Variants in EDARADD observed in about 807,000 individuals in gnomAD.
EDARADD encodes the protein EDAR associated via death domain, also known as ectodysplasin-A receptor-associated adapter protein.
EDARADD carries 20 observed loss-of-function variants against 25.6 expected under a neutral mutation model. The observed-to-expected ratio is 0.78, with a 90% CI of 0.55 to 1.14. The LOEUF is 1.14. EDARADD is among the 50% of genes most tolerant of loss of function. The pLI, the probability that EDARADD is intolerant of heterozygous loss-of-function variation, is 0.00. For synonymous variants in EDARADD, 86 were observed against 94.4 expected, an observed-to-expected ratio of 0.91 and a Z score of 0.52; for missense variants, 225 against 270.1, an observed-to-expected ratio of 0.83 and a Z score of 1.17.
At chr1:236,392,281 A>G (rs976286369), upstream of EDARADD, among the ~76,000 whole-genome samples, 1 of 152,182 alleles carries the variant, frequency 6.6e-6, no homozygotes, top group African/African-American at 2.4e-5. Flanking sequence ...GAAGGTAGGA[A>G]AGTAGCTGGT....
At chr1:236,408,578 T>G (rs1667778064) in intron 1 of EDARADD, among the ~76,000 whole-genome samples, 1 of 152,000 alleles carries the variant, frequency 6.6e-6, no homozygotes, top group African/African-American at 2.4e-5. Flanking sequence ...CAACTAATAA[T>G]TGGAAGTAAG....
chr1:236,411,128 G>A (rs935192835), intron 2 of EDARADD, among the ~76,000 whole-genome samples: 1 of 152,078 alleles, frequency 6.6e-6, no homozygotes, highest in Admixed American at 6.5e-5. Context: ...TTGGAGCTAT[G>A]TCCTTATGCT....
chr1:236,459,611 C>CCTTTTT (rs776064017), intron 4 of EDARADD, among the ~76,000 whole-genome samples: 2 of 100,462 alleles, frequency 2.0e-5, no homozygotes, highest in Non-Finnish European at 4.1e-5. Flanking sequence ...TTATTTAGCT[C>CCTTTTT]TTTTTTTTTT....
intron 4 of EDARADD, among the ~76,000 whole-genome samples, chr1:236,456,680 G>C (rs1371745311): frequency 6.6e-6 from 1 of 151,708 alleles, no homozygotes; most frequent in Non-Finnish European, 1.5e-5. Context: ...CCGCGACTCT[G>C]AAGTTCCCTC....
intron 3 of EDARADD, among the ~76,000 whole-genome samples, chr1:236,351,702 C>G (rs1225470620): frequency 1.2e-5 from 1 of 83,220 alleles, no homozygotes. Flanking sequence ...GAGCGAGACT[C>G]TGTCTCAAAA....
chr1:236,443,948 A>G (rs1021204644), intron 4 of EDARADD, among the ~76,000 whole-genome samples: 1 of 152,090 alleles, frequency 6.6e-6, no homozygotes, highest in East Asian at 1.9e-4. Flanking sequence ...GGCAAACCTT[A>G]TTATTGTATT....
At chr1:236,389,587 G>T (rs924732486), upstream of EDARADD, among the ~76,000 whole-genome samples, 1 of 152,144 alleles carries the variant, frequency 6.6e-6, no homozygotes, top group African/African-American at 2.4e-5. Context: ...CAGCACAAAG[G>T]TAATATTTTA....
intron 4 of EDARADD, among the ~76,000 whole-genome samples, chr1:236,467,401 G>T (rs1279738255): frequency 6.8e-6 from 1 of 147,412 alleles, no homozygotes; most frequent in African/African-American, 2.5e-5. Flanking sequence ...CTCCTCTGCT[G>T]ACTTCATGGG....
intron 4 of EDARADD, among the ~76,000 whole-genome samples, chr1:236,436,362 A>G (rs914140509): frequency 1.3e-5 from 2 of 152,038 alleles, no homozygotes; most frequent in Non-Finnish European, 1.5e-5. Context: ...AGGTCTCACC[A>G]TATCGGCCAG....
At chr1:236,386,570 A>T (rs1188705480) in intron 3 of EDARADD, among the ~76,000 whole-genome samples, 1 of 12,370 alleles carries the variant, frequency 8.1e-5, no homozygotes, top group Non-Finnish European at 1.4e-4. Context: ...CCGCCGCCCC[A>T]TCTGGGATGT....
chr1:236,399,214 C>T (rs564203597), intron 1 of EDARADD, among the ~76,000 whole-genome samples: 7 of 152,144 alleles, frequency 4.6e-5, no homozygotes, highest in Admixed American at 3.9e-4. Flanking sequence ...CAGAATCTCA[C>T]TCTGTTGCCC....
intron 4 of EDARADD, among the ~76,000 whole-genome samples, chr1:236,450,138 A>T (rs1299786247): frequency 1.3e-5 from 2 of 151,192 alleles, no homozygotes; most frequent in Non-Finnish European, 2.9e-5. Context: ...TTAAAAGATG[A>T]TGAATGATGA....
intron 3 of EDARADD, among the ~76,000 whole-genome samples, chr1:236,366,001 T>A (rs1168170176): frequency 6.6e-6 from 1 of 152,248 alleles, no homozygotes; most frequent in African/African-American, 2.4e-5. Context: ...CTACTTTAAC[T>A]TCTTGAACAC....
At chr1:236,456,059 G>T (rs527292199) in intron 4 of EDARADD, among the ~76,000 whole-genome samples, 9 of 152,142 alleles carry the variant, frequency 5.9e-5, no homozygotes, top group Non-Finnish European at 1.3e-4. Context: ...AAAGTACAGG[G>T]ATTATAGGCG....
chr1:236,396,339 C>T (rs992428414), intron 1 of EDARADD, among the ~76,000 whole-genome samples: 2 of 152,186 alleles, frequency 1.3e-5, no homozygotes, highest in African/African-American at 4.8e-5. Context: ...CTGGAGTTCT[C>T]TCTCTCCGCT....
intron 3 of EDARADD, among the ~76,000 whole-genome samples, chr1:236,362,825 C>A (rs1380853144): frequency 6.6e-6 from 1 of 150,598 alleles, no homozygotes; most frequent in Non-Finnish European, 1.5e-5. Context: ...TTGCCTTGTG[C>A]CCTTACCAAA....
At chr1:236,468,685 C>T (rs1423447664) in intron 5 of EDARADD, among the ~76,000 whole-genome samples, 2 of 152,238 alleles carry the variant, frequency 1.3e-5, no homozygotes, top group African/African-American at 4.8e-5. Flanking sequence ...AAAATCTGTA[C>T]TGCAGAATAG....
Position 236,395,636 on chromosome 1 carries a change from T to C in EDARADD, c.61+1131T>C. The C allele has an allele frequency of 1.3e-6, 2 of 1,575,146 alleles. No homozygotes were observed. Among genetic ancestry groups the C allele is most frequent in the South Asian group, 2.3e-5 (2 of 86,264 alleles). ...TTGCCCCTAACCCGCCGCCATGGCTTCACCGGACGACCCTCTGCGCGCAGG... is the reference window on the plus strand; with the variant it reads ...TTGCCCCTAACCCGCCGCCATGGCTCCACCGGACGACCCTCTGCGCGCAGG... On this transcript the variant is annotated intron_variant, in intron 1 of 5. Coordinates refer to ENST00000334232, the MANE Select transcript of EDARADD (RefSeq NM_145861.4). This position sits in a 1 kb window ranked among gnomAD's most constrained non-coding sequence, Gnocchi z 6.9.
chr1:236,429,127 A>T (rs1323742045), intron 4 of EDARADD, among the ~76,000 whole-genome samples: 2 of 151,856 alleles, frequency 1.3e-5, no homozygotes, highest in Non-Finnish European at 2.9e-5. Flanking sequence ...GAGACCGTGC[A>T]AAGGGGAGAG....
Sources: allele counts gnomAD v4.1 joint callset (sites outside exome capture counted in the v4.1 genomes callset), GRCh38; gene constraint gnomAD v4.1.1; non-coding constraint Gnocchi (gnomAD v3.1); transcripts MANE v1.5; gene names NCBI Gene and HGNC (gene_info 2026-07-23, HGNC 2026-07-21).